SEPTIN11: variants seen among roughly 807,000 people sequenced by gnomAD.
SEPTIN11 encodes septin-11.
Under a neutral mutation model 51.4 loss-of-function variants are expected in SEPTIN11, and 25 were observed. The ratio of observed to expected loss-of-function variants is 0.49; its 90% CI spans 0.35 to 0.68. The LOEUF is 0.68. Ranked by LOEUF, SEPTIN11 falls within the 30% of genes least tolerant of loss-of-function variation. SEPTIN11 has a pLI of 0.00. For synonymous variants in SEPTIN11, 174 were observed against 184.1 expected (o/e 0.95, Z 0.44); for missense variants, 381 against 520.8 (o/e 0.73, Z 2.61).
intron 6 of SEPTIN11, among the ~76,000 whole-genome samples, chr4:77,020,229 G>T (rs2270653): frequency 0.12 from 18,164 of 152,178 alleles, 1,233 homozygotes; most frequent in South Asian, 0.18. Context: ...ATTATGAAGG[G>T]TAAAGACAAT....
chr4:77,017,837 A>T (rs1280249145), intron 5 of SEPTIN11, among the ~76,000 whole-genome samples: 1 of 152,234 alleles, frequency 6.6e-6, no homozygotes, highest in African/African-American at 2.4e-5. Context: ...GAATGCAGTG[A>T]TAACTACCAA....
chr4:76,975,105 CTA>C (rs1578131918), intron 1 of SEPTIN11, among the ~76,000 whole-genome samples: 2 of 127,354 alleles, frequency 1.6e-5, no homozygotes, highest in East Asian at 4.5e-4. Context: ...GACAGCAAGA[CTA>C]TGTTTCAAAA....
intron 1 of SEPTIN11, chr4:76,974,935 C>G (rs1722418670): frequency 4.5e-6 from 2 of 447,564 alleles, no homozygotes; most frequent in Non-Finnish European, 8.9e-6. Flanking sequence ...CCAGCCTGGC[C>G]AAAATGACAA....
chr4:76,950,495 G>C (rs2109870668), intron 1 of SEPTIN11, among the ~76,000 whole-genome samples: 1 of 152,386 alleles, frequency 6.6e-6, no homozygotes, highest in South Asian at 2.1e-4. Flanking sequence ...CAAAGCCCCA[G>C]ATAACACACA....
intron 5 of SEPTIN11, among the ~76,000 whole-genome samples, chr4:77,016,657 C>CATATATATAT (rs1560736525): frequency 1.3e-5 from 1 of 79,218 alleles, no homozygotes; most frequent in East Asian, 3.0e-4. Context: ...TATATATATA[C>CATATATATAT]ACATATATAT....
intron 1 of SEPTIN11, among the ~76,000 whole-genome samples, chr4:76,990,523 A>T (rs956107152): frequency 6.6e-5 from 10 of 152,176 alleles, no homozygotes; most frequent in Admixed American, 5.2e-4. Context: ...TTACCGCCTG[A>T]GTTCTGCCTC....
chr4:76,987,878 C>T, intron 1 of SEPTIN11: 1 of 949,330 alleles, frequency 1.1e-6, no homozygotes, highest in Non-Finnish European at 1.3e-6. Flanking sequence ...GGGGTATGTA[C>T]TTCTTCTCTT....
At position 77,036,708 on chromosome 4, in the gene SEPTIN11, C is replaced by A; in HGVS notation, c.*2196C>A. ...TTTTTTCTGCCACTGCTCCCTAGCC[C>A]TGTTTAGTTTGTTATTGCTGCTTTT... On this transcript the variant is annotated 3_prime_UTR_variant, in exon 10 of 10. Transcript: ENST00000264893. 6.5e-7 allele frequency: 1 copy of A among 1,535,404 alleles called. No individual in the cohort carries two copies. The highest frequency in any genetic ancestry group is 8.7e-7 in the Non-Finnish European group (1 of 1,146,668).
At chr4:77,001,849 C>A (rs1560722713) in intron 2 of SEPTIN11, among the ~76,000 whole-genome samples, 2 of 152,020 alleles carry the variant, frequency 1.3e-5, no homozygotes, top group African/African-American at 4.8e-5. Flanking sequence ...GATGAGATTC[C>A]GCTTACAAAG....
Position 77,020,629 on chromosome 4 carries a change from G to A in SEPTIN11, c.912G>A (p.Glu304=), listed in dbSNP as rs564385760. The A allele has an allele frequency of 6.2e-6, 10 of 1,614,116 alleles. No homozygotes were observed. Among genetic ancestry groups the A allele is most frequent in the African/African-American group, 4.0e-5 (3 of 75,016 alleles). The part of the protein sequence containing the change: ...YELYRRCKLE[E]MGFKDTDPDS... Reference sequence around the variant, plus strand: ...TGTACCGACGCTGTAAGCTTGAAGAGATGGGGTTCAAGGACACTGACCCTG... The same window carrying A: ...TGTACCGACGCTGTAAGCTTGAAGAAATGGGGTTCAAGGACACTGACCCTG... Residue 304 remains glutamate, a synonymous_variant, in exon 7 of 10, where the codon GAG becomes GAA. Coordinates refer to ENST00000264893, the MANE Select transcript of SEPTIN11 (RefSeq NM_018243.4).
At position 77,030,848 on chromosome 4, in the gene SEPTIN11, G is replaced by T. The variant is rs1307871901; in HGVS notation, c.1152G>T (p.Lys384Asn). Residue 384 changes from lysine to asparagine, a missense_variant, in exon 9 of 10, where the codon AAG becomes AAT. This residue lies in a region of SEPTIN11 where 197 missense variants were observed against 313.1 expected (regional missense o/e 0.63). Coordinates refer to ENST00000264893, the MANE Select transcript of SEPTIN11 (RefSeq NM_018243.4). Reference sequence around the variant, plus strand: ...AAGAAAAGAAGAAAGTGGAAGACAAGAAGAAGGAGCTTGAGGAGGAGGTGA... The same window carrying T: ...AAGAAAAGAAGAAAGTGGAAGACAATAAGAAGGAGCTTGAGGAGGAGGTGA... ...HQEEKKKVEDKKKELEEEVNN... is the reference protein window; with the variant it reads ...HQEEKKKVEDNKKELEEEVNN... The T allele has an allele frequency of 6.2e-7, 1 of 1,613,532 alleles. No homozygotes were observed. The highest frequency in any genetic ancestry group is 2.2e-5 in the East Asian group (1 of 44,876).
At chr4:76,968,944 T>A (rs1194831259) in intron 1 of SEPTIN11, among the ~76,000 whole-genome samples, 1 of 152,148 alleles carries the variant, frequency 6.6e-6, no homozygotes, top group Admixed American at 6.5e-5. Context: ...CAATTTATTC[T>A]ACTCAAACAC....
chr4:76,989,812 C>T (rs970301642), intron 1 of SEPTIN11, among the ~76,000 whole-genome samples: 2 of 152,290 alleles, frequency 1.3e-5, no homozygotes, highest in African/African-American at 4.8e-5. Context: ...AGCCAAGGAG[C>T]AATAGGCTAT....
At position 77,036,961 on chromosome 4, in the gene SEPTIN11, C is replaced by A; in HGVS notation, c.*2449C>A. 7.9e-7 allele frequency: 1 copy of A among 1,270,680 alleles called. No individual in the cohort carries two copies. Among genetic ancestry groups the A allele is most frequent in the Non-Finnish European group, 9.9e-7 (1 of 1,010,796 alleles). 78.7% of individuals were successfully genotyped at this position (1,270,680 alleles called of 1,614,324 possible). A position where few individuals can be genotyped will look rare whatever the true frequency, so the allele number is the denominator to read the frequency against. On this transcript the variant is annotated 3_prime_UTR_variant, in exon 10 of 10. Transcript: ENST00000264893. ...GCAGGAAGGTAATGGTTTGAGTAGC[C>A]TTTGTTTAAAAAAAAGACTAAATAT...
In SEPTIN11 at chr4:77,008,137, C is replaced by T. The variant is rs191557639; in HGVS notation, c.338+2341C>T. Among the ~76,000 whole-genome samples the T allele has an allele frequency of 3.9e-5, 6 of 152,328 alleles. No individual in the cohort carries two copies. In the East Asian group the frequency reaches 1.2e-3, roughly 29 times the overall value. ...AGGTTTCCTGTTATGTTTAAAAGCACATTTCACTCTTTGTTATTTAAGGGC... is the reference window on the plus strand; with the variant it reads ...AGGTTTCCTGTTATGTTTAAAAGCATATTTCACTCTTTGTTATTTAAGGGC... On this transcript the variant is annotated intron_variant, in intron 3 of 9. Coordinates refer to ENST00000264893, the MANE Select transcript of SEPTIN11 (RefSeq NM_018243.4).
Position 77,034,737 on chromosome 4 carries a change from G to A in SEPTIN11, c.*225G>A, listed in dbSNP as rs1040292650. On this transcript the variant is annotated 3_prime_UTR_variant, in exon 10 of 10. Coordinates refer to ENST00000264893, the MANE Select transcript of SEPTIN11 (RefSeq NM_018243.4). ...CTCTGTGCAGCTGGACTCTGTTTCC[G>A]GAAAGTAAATGATTTGCTTTTTATG... 6.5e-6 allele frequency: 8 copies of A among 1,238,632 alleles called. No individual in the cohort carries two copies. The highest frequency in any genetic ancestry group is 6.9e-5 in the East Asian group (2 of 28,786). 76.7% of individuals were successfully genotyped at this position (1,238,632 alleles called of 1,614,324 possible). A position where few individuals can be genotyped will look rare whatever the true frequency, so the allele number is the denominator to read the frequency against.
chr4:77,009,424 C>G (rs966291742), intron 3 of SEPTIN11, among the ~76,000 whole-genome samples: 12 of 152,132 alleles, frequency 7.9e-5, no homozygotes, highest in African/African-American at 2.9e-4. Flanking sequence ...AGATTTATGA[C>G]TTGTCATCAG....
At chr4:76,974,141 G>T (rs1209842059) in intron 1 of SEPTIN11, among the ~76,000 whole-genome samples, 2 of 152,060 alleles carry the variant, frequency 1.3e-5, no homozygotes, top group African/African-American at 4.8e-5. Flanking sequence ...TAAAGAATTG[G>T]TTTCTCTCCC....
At chr4:77,025,683 G>T (rs926299905) in intron 7 of SEPTIN11, among the ~76,000 whole-genome samples, 2 of 152,198 alleles carry the variant, frequency 1.3e-5, no homozygotes, top group Non-Finnish European at 2.9e-5. Flanking sequence ...TGGCAGAGGG[G>T]CTGGGAATCT....
Sources: gnomAD v4.1 joint callset for allele counts (sites outside exome capture counted in the v4.1 genomes callset) on GRCh38, gnomAD v4.1.1 for gene constraint, gnomAD v4.1.1 regional missense constraint, MANE v1.5 for transcripts, NCBI Gene and HGNC (gene_info 2026-07-23, HGNC 2026-07-21) for gene names.